Variants in HECW2 observed in about 807,000 individuals in gnomAD.
The protein encoded by HECW2 is HECT, C2 and WW domain containing E3 ubiquitin protein ligase 2.
Under a neutral mutation model 175.2 loss-of-function variants are expected in HECW2, and 61 were observed. The ratio of observed to expected loss-of-function variants is 0.35; its 90% confidence interval spans 0.28 to 0.43. HECW2 has a LOEUF of 0.43. Among genes scored for constraint, HECW2 ranks in the 20% least tolerant of loss-of-function variants. The pLI is 1.00. For missense variants in HECW2, 1,524 were observed against 2,000.5 expected, an observed-to-expected ratio of 0.76 and a Z score of 4.54; for synonymous variants, 671 against 731.0, an observed-to-expected ratio of 0.92 and a Z score of 1.32.
chr2:196,551,615 C>A (rs73989990), intron 1 of HECW2, among the ~76,000 whole-genome samples: 1 of 151,942 alleles, frequency 6.6e-6, no homozygotes, highest in East Asian at 1.9e-4. Context: ...TTTTTCCCTG[C>A]GCATACTATA....
chr2:196,501,817 C>A lies in HECW2; in HGVS notation c.-35-68359G>T, dbSNP rs144706890. Among the ~76,000 whole-genome samples, 25 of 152,236 alleles carry A rather than the reference C, an allele frequency of 1.6e-4. No homozygotes were observed. In the East Asian group the frequency reaches 4.0e-3, roughly 25 times the overall value. ...TGGTTTGGAAACATGAATGGTTATACTTCTCTTGAGCATTCAATAATGTTT... is the reference window on the plus strand; with the variant it reads ...TGGTTTGGAAACATGAATGGTTATAATTCTCTTGAGCATTCAATAATGTTT... On this transcript the variant is annotated intron_variant, in intron 1 of 28. Transcript: ENST00000644978.
At chr2:196,374,888 C>T (rs915944189) in intron 2 of HECW2, among the ~76,000 whole-genome samples, 2 of 151,030 alleles carry the variant, frequency 1.3e-5, no homozygotes, top group South Asian at 2.1e-4. Flanking sequence ...TTTGGCCGGG[C>T]GCAGTGGCTC....
chr2:196,256,696 T>C lies in HECW2; in HGVS notation c.3419+1127A>G, dbSNP rs1230669064. ...TATTTTATCACCAACCAAACCATGA[T>C]AGAAACATCACACTCTAACGTTAAT... is the stretch of plus-strand genomic sequence containing the variant. On this transcript the variant is annotated intron_variant, in intron 18 of 28. Coordinates refer to ENST00000644978, the MANE Select transcript of HECW2 (RefSeq NM_001348768.2). 3.3e-5 allele frequency among the ~76,000 whole-genome samples: 5 copies of C among 151,970 alleles called. No homozygotes were observed. The East Asian group carries it at 5.8e-4, about 18-fold the overall frequency.
At chr2:196,264,852 A>AATAG (rs1437643223) in intron 17 of HECW2, among the ~76,000 whole-genome samples, 3 of 152,236 alleles carry the variant, frequency 2.0e-5, no homozygotes, top group Non-Finnish European at 2.9e-5. Context: ...GAAGTCATAG[A>AATAG]ATAGATGACA....
intron 2 of HECW2, among the ~76,000 whole-genome samples, chr2:196,376,422 A>G (rs1694053268): frequency 6.6e-6 from 1 of 152,020 alleles, no homozygotes; most frequent in Non-Finnish European, 1.5e-5. Flanking sequence ...CAACGTCAGG[A>G]GTTTGAGACC....
chr2:196,456,847 C>T (rs1346012577), intron 1 of HECW2, among the ~76,000 whole-genome samples: 1 of 152,176 alleles, frequency 6.6e-6, no homozygotes, highest in African/African-American at 2.4e-5. Flanking sequence ...GTTATAGTAC[C>T]TTACAGTAAA....
intron 1 of HECW2, among the ~76,000 whole-genome samples, chr2:196,534,543 G>T (rs1688954057): frequency 6.6e-6 from 1 of 152,192 alleles, no homozygotes; most frequent in Admixed American, 6.5e-5. Context: ...AATGATAGCT[G>T]AATCTTCTTC....
intron 23 of HECW2, among the ~76,000 whole-genome samples, chr2:196,224,614 G>A (rs1687784318): frequency 6.6e-6 from 1 of 152,142 alleles, no homozygotes; most frequent in South Asian, 2.1e-4. Flanking sequence ...GGTGTGGGTG[G>A]TGCACAGTGT....
chr2:196,523,856 T>C (rs1688520323), intron 1 of HECW2, among the ~76,000 whole-genome samples: 1 of 152,132 alleles, frequency 6.6e-6, no homozygotes, highest in African/African-American at 2.4e-5. Flanking sequence ...AGCTTTTTGA[T>C]GTGCTGCTGG....
At chr2:196,360,753 AG>A (rs1230501085) in intron 2 of HECW2, among the ~76,000 whole-genome samples, 1 of 152,236 alleles carries the variant, frequency 6.6e-6, no homozygotes, top group African/African-American at 2.4e-5. Context: ...CTGATCCTAA[AG>A]AATAGTGTTA....
chr2:196,592,243 T>C (rs865838364), intron 1 of HECW2, among the ~76,000 whole-genome samples: 5 of 152,332 alleles, frequency 3.3e-5, no homozygotes, highest in African/African-American at 4.8e-5. Flanking sequence ...GTTTGCATGC[T>C]GTCCACCTCT....
intron 2 of HECW2, among the ~76,000 whole-genome samples, chr2:196,380,521 C>T (rs1005041766): frequency 6.6e-6 from 1 of 152,128 alleles, no homozygotes; most frequent in Non-Finnish European, 1.5e-5. Flanking sequence ...CAGGTAAGTG[C>T]AGTGTTAAAC....
chr2:196,319,638 C>T lies in HECW2; in HGVS notation c.1252G>A (p.Asp418Asn). The T allele has an allele frequency of 6.2e-7, 1 of 1,614,232 alleles. No homozygotes were observed. The highest frequency in any genetic ancestry group is 2.2e-5 in the East Asian group (1 of 44,886). ...TTGTGTTCGATAGCATCTAAGTAAT[C>T]ATTGAGTGAATCCTGACGTCCTCTG... Reference protein sequence around the residue: ...PPRGRQDSLNDYLDAIEHNGH... With the variant: ...PPRGRQDSLNNYLDAIEHNGH... The change falls in exon 9 of 29, where the codon GAT (aspartate) becomes AAT (asparagine). Residue 418 changes from aspartate to asparagine, a missense_variant. Around this residue, in one of 11 missense-constraint regions of HECW2, gnomAD observed 604 missense variants for 588.3 expected, o/e 1.03. Transcript: ENST00000644978.
chr2:196,462,275 G>A (rs893603005), intron 1 of HECW2, among the ~76,000 whole-genome samples: 1 of 152,052 alleles, frequency 6.6e-6, no homozygotes, highest in Non-Finnish European at 1.5e-5. Flanking sequence ...GGGGGAAAAT[G>A]GGAAAGGGGA....
At chr2:196,407,112 T>C (rs546338510) in intron 2 of HECW2, among the ~76,000 whole-genome samples, 83 of 152,292 alleles carry the variant, frequency 5.5e-4, no homozygotes, top group African/African-American at 1.9e-3. Context: ...CAGTAGAGCT[T>C]AGTCAAAGAA....
intron 1 of HECW2, among the ~76,000 whole-genome samples, chr2:196,467,825 C>T (rs1697022982): frequency 1.3e-5 from 2 of 152,198 alleles, no homozygotes; most frequent in Non-Finnish European, 2.9e-5. Flanking sequence ...TGACAGCCCC[C>T]TCCAATCCAG....
chr2:196,316,414 G>A (rs1453625849), intron 10 of HECW2: 1 of 152,138 alleles, frequency 6.6e-6, no homozygotes, highest in Admixed American at 6.5e-5. Flanking sequence ...TCAGCCTGTT[G>A]TCATGGTCAC....
chr2:196,344,469 G>A (rs1692880524), intron 2 of HECW2, among the ~76,000 whole-genome samples: 1 of 151,912 alleles, frequency 6.6e-6, no homozygotes, highest in African/African-American at 2.4e-5. Context: ...GTATTTGTAT[G>A]GCAACACTAG....
chr2:196,194,214 TAAATAA>T lies in HECW2; in HGVS notation c.*7057_*7062del, dbSNP rs1686617899. ...ATTTTATTAATAAATAATAAAAATA[TAAATAA>T]AAATAAACAAAATACTATAAATACT... On this transcript the variant is annotated 3_prime_UTR_variant, in exon 29 of 29. Transcript: ENST00000644978. 1 of 151,222 alleles carries T rather than the reference TAAATAA, an allele frequency of 6.6e-6. No individual in the cohort carries two copies. Among genetic ancestry groups the T allele is most frequent in the South Asian group, 2.1e-4 (1 of 4,826 alleles). The allele number at this position is 151,222 out of a possible 1,614,324, so 9.4% of individuals were successfully genotyped here.
Sources: gnomAD v4.1 joint callset for allele counts (sites outside exome capture counted in the v4.1 genomes callset) on GRCh38, gnomAD v4.1.1 for gene constraint, gnomAD v4.1.1 regional missense constraint, MANE v1.5 for transcripts, NCBI Gene and HGNC (gene_info 2026-07-23, HGNC 2026-07-21) for gene names.